Variants in SLC35F2 observed in about 807,000 individuals in gnomAD.
SLC35F2 encodes the protein solute carrier family 35 member F2, also known as queuine/queuosine transporter SLC35F2.
SLC35F2 carries 25 observed loss-of-function variants against 38.1 expected under a neutral mutation model. The observed-to-expected ratio is 0.66, with a 90% CI of 0.48 to 0.92. SLC35F2 has a LOEUF of 0.92. Among genes scored for constraint, SLC35F2 ranks in the 40% least tolerant of loss-of-function variants. The probability of loss-of-function intolerance (pLI) is 0.00; values close to 1 mark genes in which losing one functional copy is unlikely to be tolerated. For missense variants in SLC35F2, 409 were observed against 452.9 expected (o/e 0.90, Z 0.88); for synonymous variants, 173 against 181.7 (o/e 0.95, Z 0.38).
At chr11:107,843,258 T>C (rs58868361) in intron 1 of SLC35F2, among the ~76,000 whole-genome samples, 3,079 of 152,194 alleles carry the variant, frequency 0.02, 90 homozygotes, top group African/African-American at 0.069. Context: ...TTACGGGAAC[T>C]TACTATATTA....
chr11:107,804,298 G>A (rs1428787113), intron 6 of SLC35F2, among the ~76,000 whole-genome samples: 1 of 151,948 alleles, frequency 6.6e-6, no homozygotes, highest in African/African-American at 2.4e-5. Flanking sequence ...TATTTATGCA[G>A]ATGCCTAGGA....
At chr11:107,807,337 C>G (rs1351612264) in intron 3 of SLC35F2, among the ~76,000 whole-genome samples, 2 of 149,402 alleles carry the variant, frequency 1.3e-5, no homozygotes, top group Non-Finnish European at 3.0e-5. Flanking sequence ...GTAGTCCCAG[C>G]TACTTGGGAG....
chr11:107,803,867 C>T (rs948148560), intron 6 of SLC35F2, among the ~76,000 whole-genome samples: 43 of 151,872 alleles, frequency 2.8e-4, no homozygotes, highest in African/African-American at 1.0e-3. Context: ...GCACTGTTGC[C>T]TGGGCTGGAG....
In SLC35F2 at chr11:107,792,518, G is replaced by A. The variant is rs1591181371; in HGVS notation, c.*97C>T. 1 of 1,386,626 alleles carries A rather than the reference G, an allele frequency of 7.2e-7. No individual in the cohort carries two copies. The highest frequency in any genetic ancestry group is 1.4e-5 in the African/African-American group (1 of 69,266). The allele number at this position is 1,386,626 out of a possible 1,614,324, so 85.9% of individuals were successfully genotyped here. A position where few individuals can be genotyped will look rare whatever the true frequency, so the allele number is the denominator to read the frequency against. ...ACTGGATCCAACCCAGGGTTGTAGA[G>A]TGTCCATTCTGAGTCTGCTATTTCC... On this transcript the variant is annotated 3_prime_UTR_variant, in exon 8 of 8. Transcript: ENST00000525815.
intron 1 of SLC35F2, among the ~76,000 whole-genome samples, chr11:107,838,928 C>T (rs1591205308): frequency 6.6e-6 from 1 of 152,048 alleles, no homozygotes; most frequent in Non-Finnish European, 1.5e-5. Flanking sequence ...CACACCTGGC[C>T]GATAAGTTTC....
At chr11:107,830,540 C>T (rs1001086790) in intron 1 of SLC35F2, among the ~76,000 whole-genome samples, 5 of 147,550 alleles carry the variant, frequency 3.4e-5, no homozygotes, top group Non-Finnish European at 7.4e-5. Flanking sequence ...GCCGAGATCA[C>T]GCCACTGCAC....
intron 1 of SLC35F2, among the ~76,000 whole-genome samples, chr11:107,849,057 A>G (rs924338930): frequency 1.2e-4 from 19 of 152,178 alleles, no homozygotes; most frequent in African/African-American, 4.6e-4. Context: ...TCTGCCTCTC[A>G]CCAGCCAAGT....
chr11:107,795,351 A>G (rs1859201671), intron 7 of SLC35F2, among the ~76,000 whole-genome samples: 1 of 152,238 alleles, frequency 6.6e-6, no homozygotes, highest in Admixed American at 6.5e-5. Context: ...TATAAGACCC[A>G]AAACTATAAA....
At chr11:107,804,831 C>T (rs1859368408) in intron 5 of SLC35F2, 61 bp from the exon 6 acceptor site, 1 of 1,408,224 alleles carries the variant, frequency 7.1e-7, no homozygotes, top group Admixed American at 1.9e-5. Context: ...ATTTTATAAG[C>T]ATTTTAGTCA....
At chr11:107,841,121 G>A (rs922407030) in intron 1 of SLC35F2, among the ~76,000 whole-genome samples, 11 of 152,150 alleles carry the variant, frequency 7.2e-5, no homozygotes, top group East Asian at 1.9e-4. Context: ...GAGGATTATC[G>A]GGGAACCTGA....
chr11:107,800,022 G>A (rs1859282541), intron 7 of SLC35F2, among the ~76,000 whole-genome samples: 1 of 150,858 alleles, frequency 6.6e-6, no homozygotes, highest in African/African-American at 2.4e-5. Context: ...CTGAGCAGCT[G>A]GGATTACAGG....
intron 1 of SLC35F2, among the ~76,000 whole-genome samples, chr11:107,848,236 C>T (rs1341444148): frequency 6.6e-6 from 1 of 151,446 alleles, no homozygotes; most frequent in African/African-American, 2.4e-5. Flanking sequence ...AAAAAGAAAA[C>T]TTAAAAAAAG....
intron 1 of SLC35F2, among the ~76,000 whole-genome samples, chr11:107,853,668 C>T (rs201631693): frequency 5.8e-5 from 8 of 139,078 alleles, no homozygotes; most frequent in Non-Finnish European, 1.2e-4. Context: ...TGCAGTGAGC[C>T]GAGATCGCGC....
rs547262027 is a variant in SLC35F2, at chr11:107,813,857, GT to G, written c.286+1932del. ...TTTTTGTATTTTTTGTAGAGAAGGAGTTTCATCGTGTTGCCCAGGCTTGTCT... is the reference window on the plus strand; with the variant it reads ...TTTTTGTATTTTTTGTAGAGAAGGAGTTCATCGTGTTGCCCAGGCTTGTCT... On this transcript the variant is annotated intron_variant, in intron 2 of 7. Coordinates refer to ENST00000525815, the MANE Select transcript of SLC35F2 (RefSeq NM_017515.5). Among the ~76,000 whole-genome samples, 18 of 152,200 alleles carry G rather than the reference GT, an allele frequency of 1.2e-4. No individual in the cohort carries two copies. The South Asian group carries it at 3.5e-3, about 30-fold the overall frequency.
At chr11:107,852,973 GATC>G (rs1010352869) in intron 1 of SLC35F2, among the ~76,000 whole-genome samples, 3 of 152,004 alleles carry the variant, frequency 2.0e-5, no homozygotes, top group African/African-American at 7.3e-5. Flanking sequence ...GAACTCAGGA[GATC>G]ATGACACTGC....
chr11:107,807,927 T>C (rs1392823595), intron 3 of SLC35F2, among the ~76,000 whole-genome samples: 2 of 152,260 alleles, frequency 1.3e-5, no homozygotes, highest in Non-Finnish European at 1.5e-5. Flanking sequence ...CCTGCAACCA[T>C]TTACTCAGTC....
chr11:107,855,142 TTTAA>T (rs745756247), intron 1 of SLC35F2, among the ~76,000 whole-genome samples: 17 of 152,122 alleles, frequency 1.1e-4, no homozygotes, highest in Non-Finnish European at 2.2e-4. Context: ...GAATGGAAAC[TTTAA>T]TTAACAAAAG....
At chr11:107,803,272 C>A in intron 6 of SLC35F2, 117 bp from the exon 7 acceptor site, 1 of 1,313,262 alleles carries the variant, frequency 7.6e-7, no homozygotes, top group South Asian at 2.3e-5. Context: ...TGTACAAAGC[C>A]CCTTGTTAAC....
intron 6 of SLC35F2, 200 bp from the exon 7 acceptor site, chr11:107,803,355 A>G: frequency 3.0e-6 from 3 of 985,348 alleles, no homozygotes; most frequent in Non-Finnish European, 3.6e-6. Flanking sequence ...GATGTAGATA[A>G]AGGACCTCAA....
Sources: allele counts gnomAD v4.1 joint callset (sites outside exome capture counted in the v4.1 genomes callset), GRCh38; gene constraint gnomAD v4.1.1; transcripts MANE v1.5; gene names NCBI Gene and HGNC (gene_info 2026-07-23, HGNC 2026-07-21).